THEMIS: variants seen among roughly 807,000 people sequenced by gnomAD.
THEMIS encodes thymocyte selection associated.
THEMIS carries 37 observed loss-of-function variants against 52.6 expected under a neutral mutation model. The observed-to-expected ratio is 0.70, with a 90% CI of 0.54 to 0.93. The LOEUF is 0.93. Among genes scored for constraint, THEMIS ranks in the 40% least tolerant of loss-of-function variants. The pLI, the probability that THEMIS is intolerant of heterozygous loss-of-function variation, is 0.00. For synonymous variants in THEMIS, 292 were observed against 272.7 expected (o/e 1.07, Z -0.70); for missense variants, 808 against 763.1 (o/e 1.06, Z -0.69).
chr6:127,883,253 A>T (rs1290462408), intron 1 of THEMIS, among the ~76,000 whole-genome samples: 1 of 151,912 alleles, frequency 6.6e-6, no homozygotes, highest in Admixed American at 6.6e-5. Flanking sequence ...TAAACTCTTC[A>T]GTAGAGCAGA....
In THEMIS at chr6:127,855,401, A is replaced by C. The variant is rs575582002; in HGVS notation, c.92-213T>G. The stretch of plus-strand genomic sequence containing the variant: ...ACTGGGCCAAATATAAATAAATCTT[A>C]TTTTTGTTATTTTTGTAAATTGAAT... On this transcript the variant is annotated intron_variant, in intron 1 of 5. Coordinates refer to ENST00000368248, the MANE Select transcript of THEMIS (RefSeq NM_001010923.3). Among the ~76,000 whole-genome samples the C allele has an allele frequency of 3.3e-5, 5 of 152,074 alleles. No homozygotes were observed. In the South Asian group the frequency reaches 1.0e-3, roughly 31 times the overall value.
At chr6:127,856,906 C>T (rs1779637238) in intron 1 of THEMIS, among the ~76,000 whole-genome samples, 1 of 151,958 alleles carries the variant, frequency 6.6e-6, no homozygotes. Flanking sequence ...CACATACTAA[C>T]ATTTTATATC....
chr6:127,740,884 C>T (rs994350624), intron 4 of THEMIS, among the ~76,000 whole-genome samples: 4 of 152,112 alleles, frequency 2.6e-5, no homozygotes, highest in Non-Finnish European at 4.4e-5. Context: ...AGTAAGTGCT[C>T]TAAAATTCAA....
chr6:127,896,505 C>A (rs1780972086), intron 1 of THEMIS, among the ~76,000 whole-genome samples: 1 of 151,336 alleles, frequency 6.6e-6, no homozygotes, highest in African/African-American at 2.4e-5. Flanking sequence ...AACTAAAGAG[C>A]TATACCAGAT....
chr6:127,738,272 G>A (rs900802827), intron 4 of THEMIS, among the ~76,000 whole-genome samples: 1 of 152,082 alleles, frequency 6.6e-6, no homozygotes, highest in Non-Finnish European at 1.5e-5. Flanking sequence ...CAGAGAATCA[G>A]ACTGTAATCC....
intron 2 of THEMIS, among the ~76,000 whole-genome samples, chr6:127,852,940 A>G (rs966521811): frequency 6.6e-6 from 1 of 151,624 alleles, no homozygotes; most frequent in South Asian, 2.1e-4. Context: ...TATCATGCTA[A>G]TTGGAAGTTC....
chr6:127,819,591 T>C (rs2114629266), intron 3 of THEMIS, among the ~76,000 whole-genome samples: 1 of 152,292 alleles, frequency 6.6e-6, no homozygotes, highest in African/African-American at 2.4e-5. Flanking sequence ...TACAGTGGAC[T>C]TTTCTTTGGA....
At chr6:127,779,048 G>C (rs1776658034) in intron 4 of THEMIS, among the ~76,000 whole-genome samples, 1 of 151,982 alleles carries the variant, frequency 6.6e-6, no homozygotes, top group African/African-American at 2.4e-5. Flanking sequence ...GAGAAACATA[G>C]GCAAAGATTC....
chr6:127,892,426 T>C (rs893245348), intron 1 of THEMIS, among the ~76,000 whole-genome samples: 7 of 152,186 alleles, frequency 4.6e-5, no homozygotes, highest in Non-Finnish European at 1.0e-4. Context: ...AGTCAGTGCT[T>C]CATGACACTT....
upstream of THEMIS, among the ~76,000 whole-genome samples, chr6:127,903,380 G>T (rs868651035): frequency 6.6e-6 from 1 of 151,750 alleles, no homozygotes; most frequent in South Asian, 2.1e-4. Context: ...GCATGTTATA[G>T]GTGTAATAAT....
At chr6:127,916,271 CATAT>C (rs1358501313) in intron 1 of THEMIS, among the ~76,000 whole-genome samples, 2 of 151,408 alleles carry the variant, frequency 1.3e-5, no homozygotes, top group Non-Finnish European at 2.9e-5. Flanking sequence ...TATATATGCA[CATAT>C]ATATTTATAA....
At chr6:127,833,572 T>G (rs1778772340) in intron 2 of THEMIS, among the ~76,000 whole-genome samples, 1 of 152,180 alleles carries the variant, frequency 6.6e-6, no homozygotes, top group Admixed American at 6.5e-5. Flanking sequence ...AGGACATTGC[T>G]CATGAGAATA....
upstream of THEMIS, among the ~76,000 whole-genome samples, chr6:127,905,736 T>A (rs1023499171): frequency 4.6e-5 from 7 of 151,980 alleles, no homozygotes; most frequent in African/African-American, 1.7e-4. Flanking sequence ...AGCATTAGCC[T>A]TCTAGAGAAG....
At chr6:127,897,183 G>C (rs936410552) in intron 1 of THEMIS, among the ~76,000 whole-genome samples, 1 of 151,392 alleles carries the variant, frequency 6.6e-6, no homozygotes, top group African/African-American at 2.4e-5. Context: ...ATCTGAAGGT[G>C]AGGGTAAACA....
chr6:127,805,809 T>G (rs568584198), intron 4 of THEMIS, among the ~76,000 whole-genome samples: 1 of 152,280 alleles, frequency 6.6e-6, no homozygotes, highest in Non-Finnish European at 1.5e-5. Flanking sequence ...AATATATAGC[T>G]TATGTGTTAT....
chr6:127,754,395 G>T (rs1775750246), intron 4 of THEMIS, among the ~76,000 whole-genome samples: 1 of 152,146 alleles, frequency 6.6e-6, no homozygotes, highest in Non-Finnish European at 1.5e-5. Context: ...AACTCAGGCT[G>T]CTGTGGCCTG....
chr6:127,871,234 G>T (rs1051423081), intron 1 of THEMIS, among the ~76,000 whole-genome samples: 1 of 151,364 alleles, frequency 6.6e-6, no homozygotes, highest in African/African-American at 2.4e-5. Flanking sequence ...TAATCCATGA[G>T]GCAAAAATAA....
At position 127,893,576 on chromosome 6, in the gene THEMIS, G is replaced by A. The variant is rs114518691; in HGVS notation, c.91+7266C>T. 3.4e-3 allele frequency among the ~76,000 whole-genome samples: 525 copies of A among 152,244 alleles called. 1 individual carries two copies. The highest frequency in any genetic ancestry group is 0.012 in the African/African-American group (482 of 41,554). On this transcript the variant is annotated intron_variant, in intron 1 of 5. Coordinates refer to ENST00000368248, the MANE Select transcript of THEMIS (RefSeq NM_001010923.3). ...TGCTTCACATCAATAGGGCATAAACGCTTCACATCGATACGGCTCCTAAAA... is the reference window on the plus strand; with the variant it reads ...TGCTTCACATCAATAGGGCATAAACACTTCACATCGATACGGCTCCTAAAA...
intron 1 of THEMIS, among the ~76,000 whole-genome samples, chr6:127,859,016 C>A (rs1304830808): frequency 6.6e-6 from 1 of 152,082 alleles, no homozygotes; most frequent in African/African-American, 2.4e-5. Flanking sequence ...ATAAGCAATG[C>A]TGTGATCACA....
Sources: allele counts gnomAD v4.1 joint callset (sites outside exome capture counted in the v4.1 genomes callset), GRCh38; gene constraint gnomAD v4.1.1; transcripts MANE v1.5; gene names NCBI Gene and HGNC (gene_info 2026-07-23, HGNC 2026-07-21).